Variants in ECM2 observed in about 807,000 individuals in gnomAD.
ECM2 encodes the protein extracellular matrix protein 2.
In ECM2, 57 loss-of-function variants were observed where a neutral mutation model predicts 67.5. The ratio of observed to expected loss-of-function variants is 0.84; its 90% CI spans 0.68 to 1.05. ECM2 has a LOEUF of 1.05. Among genes scored for constraint, ECM2 ranks in the 50% least tolerant of loss-of-function variants. ECM2 has a pLI of 0.00. For synonymous variants in ECM2, 258 were observed against 294.5 expected (o/e 0.88, Z 1.27); for missense variants, 741 against 822.8 (o/e 0.90, Z 1.22).
intron 3 of ECM2, among the ~76,000 whole-genome samples, chr9:92,516,427 T>G (rs1847726370): frequency 6.6e-6 from 1 of 152,130 alleles, no homozygotes; most frequent in Non-Finnish European, 1.5e-5. Flanking sequence ...TACTTTTATT[T>G]AACACTATAT....
At chr9:92,510,295 G>T (rs915398461) in intron 5 of ECM2, among the ~76,000 whole-genome samples, 4 of 152,194 alleles carry the variant, frequency 2.6e-5, no homozygotes, top group Non-Finnish European at 2.9e-5. Context: ...TGCAGCTTTA[G>T]AAAGTGAGAG....
chr9:92,528,672 G>T (rs1462681336), intron 1 of ECM2, among the ~76,000 whole-genome samples: 1 of 152,232 alleles, frequency 6.6e-6, no homozygotes, highest in Non-Finnish European at 1.5e-5. Flanking sequence ...GTACTCAGAA[G>T]AGCATTAGCT....
At position 92,505,549 on chromosome 9, in the gene ECM2, A is replaced by G; in HGVS notation, c.1448T>C (p.Leu483Pro). 6.2e-7 allele frequency: 1 copy of G among 1,600,492 alleles called. No individual in the cohort carries two copies. The highest frequency in any genetic ancestry group is 1.3e-5 in the African/African-American group (1 of 74,124). The change falls in exon 7 of 10, where the codon CTT (leucine) becomes CCT (proline). Residue 483 changes from leucine (L) to proline (P), a missense_variant. Coordinates refer to ENST00000344604, the MANE Select transcript of ECM2 (RefSeq NM_001393.4). ...KNKFRIIPQGLPGSIEELYLE... is the reference protein window; with the variant it reads ...KNKFRIIPQGPPGSIEELYLE... Reference sequence around the variant, plus strand: ...TATTGTTACCTCAATAGAACCAGGAAGACCCTGCGGTATAATTCTAAATTT... The same window carrying G: ...TATTGTTACCTCAATAGAACCAGGAGGACCCTGCGGTATAATTCTAAATTT...
chr9:92,516,835 T>C (rs1352905937), intron 3 of ECM2: 2 of 152,228 alleles, frequency 1.3e-5, no homozygotes, highest in African/African-American at 4.8e-5. Context: ...AATTTCTAAA[T>C]AGTCAAAAGT....
chr9:92,516,480 G>A (rs1044860091), intron 3 of ECM2, among the ~76,000 whole-genome samples: 5 of 152,122 alleles, frequency 3.3e-5, no homozygotes, highest in Non-Finnish European at 5.9e-5. Flanking sequence ...TAATTATTTG[G>A]AGAAATTACT....
upstream of ECM2, among the ~76,000 whole-genome samples, chr9:92,538,839 C>A (rs1849250349): frequency 6.6e-6 from 1 of 152,196 alleles, no homozygotes; most frequent in African/African-American, 2.4e-5. Context: ...ACAGGGCCAT[C>A]TGCCTATGAA....
chr9:92,522,674 C>A lies in ECM2; in HGVS notation c.193G>T (p.Ala65Ser). The stretch of plus-strand genomic sequence containing the variant: ...TCAAAGTTAACAATAGGAAGTCTTG[C>A]TACTGGTGTAAAAACTGTTGTTTGC... ...IQQTTVFTPV[A>S]RLPIVNFDYS... The change falls in exon 2 of 10, where the codon GCA (alanine) becomes TCA (serine). Residue 65 changes from alanine to serine, a missense_variant. By Grantham distance (99) the Ala-to-Ser change is moderately conservative. Transcript: ENST00000344604. 6.2e-7 allele frequency: 1 copy of A among 1,614,112 alleles called. No individual in the cohort carries two copies. The highest frequency in any genetic ancestry group is 8.5e-7 in the Non-Finnish European group (1 of 1,179,998).
chr9:92,515,599 G>A (rs1371887062), intron 3 of ECM2, among the ~76,000 whole-genome samples: 1 of 152,188 alleles, frequency 6.6e-6, no homozygotes, highest in East Asian at 1.9e-4. Context: ...TGTTCACTGG[G>A]GCTATTGCTA....
At chr9:92,535,417 T>C (rs1462333345) in intron 1 of ECM2, among the ~76,000 whole-genome samples, 1 of 152,180 alleles carries the variant, frequency 6.6e-6, no homozygotes, top group Admixed American at 6.5e-5. Flanking sequence ...TCAAGTAATT[T>C]TTTTCCTTCT....
At chr9:92,535,785 C>A (rs1188538966) in intron 1 of ECM2, 148 bp downstream of exon 1, 7 of 254,818 alleles carry the variant, frequency 2.7e-5, no homozygotes, top group East Asian at 1.3e-4. Context: ...GTGAAAAAAA[C>A]AAACAGAATA....
chr9:92,525,984 TTACTA>T (rs946154015), intron 1 of ECM2, among the ~76,000 whole-genome samples: 6 of 152,130 alleles, frequency 3.9e-5, no homozygotes, highest in African/African-American at 1.4e-4. Context: ...GTTTATGTAT[TTACTA>T]TACTATACTT....
At chr9:92,529,389 C>A (rs1439635984) in intron 1 of ECM2, among the ~76,000 whole-genome samples, 6 of 152,208 alleles carry the variant, frequency 3.9e-5, no homozygotes, top group South Asian at 2.1e-4. Flanking sequence ...CTTTGGAAGA[C>A]ACTTTGGCAG....
chr9:92,555,963 A>G, the ECM2 span, among the ~76,000 whole-genome samples: 6,057 of 151,810 alleles, frequency 0.04, 185 homozygotes, highest in South Asian at 0.099. Flanking sequence ...TTGTTTCTCT[A>G]GTTCCTTGAG....
chr9:92,500,340 G>T (rs577473182), intron 9 of ECM2, among the ~76,000 whole-genome samples: 1 of 151,992 alleles, frequency 6.6e-6, no homozygotes, highest in Admixed American at 6.5e-5. Context: ...GCACCACCAC[G>T]CCCTGCTAAG....
the ECM2 span, among the ~76,000 whole-genome samples, chr9:92,556,269 A>T: frequency 4.6e-5 from 7 of 151,998 alleles, no homozygotes; most frequent in East Asian, 1.9e-4. Flanking sequence ...TATAATTTCA[A>T]TTTTTTTAAA....
chr9:92,533,190 C>T (rs964543425), intron 1 of ECM2, among the ~76,000 whole-genome samples: 2 of 148,164 alleles, frequency 1.3e-5, no homozygotes, highest in African/African-American at 2.5e-5. Context: ...GTCCCAGATA[C>T]TCAGGAAGCT....
At chr9:92,513,199 G>C (rs1011411638) in intron 4 of ECM2, among the ~76,000 whole-genome samples, 21 of 152,162 alleles carry the variant, frequency 1.4e-4, no homozygotes, top group African/African-American at 4.8e-4. Flanking sequence ...TCCTGCTGTT[G>C]TTCCACTCAG....
the ECM2 span, among the ~76,000 whole-genome samples, chr9:92,549,793 CA>C: frequency 6.6e-6 from 1 of 152,202 alleles, no homozygotes; most frequent in Non-Finnish European, 1.5e-5. Context: ...TGCTGTTAGG[CA>C]GTGGAGAACA....
In ECM2 at chr9:92,495,876, A is replaced by G. The variant is rs950561602; in HGVS notation, c.*439T>C. 1.0e-6 allele frequency: 1 copy of G among 980,554 alleles called. No homozygotes were observed. The highest frequency in any genetic ancestry group is 1.2e-6 in the Non-Finnish European group (1 of 825,588). The allele number at this position is 980,554 out of a possible 1,614,324, so 60.7% of individuals were successfully genotyped here. ...TAACAAATTATTGTTTTAATAATAA[A>G]CAACACTTATTCATAAATTCTGCCT... On this transcript the variant is annotated 3_prime_UTR_variant, in exon 10 of 10. Coordinates refer to ENST00000344604, the MANE Select transcript of ECM2 (RefSeq NM_001393.4).
Sources: gnomAD v4.1 joint callset for allele counts (sites outside exome capture counted in the v4.1 genomes callset) on GRCh38, gnomAD v4.1.1 for gene constraint, MANE v1.5 for transcripts, NCBI Gene and HGNC (gene_info 2026-07-23, HGNC 2026-07-21) for gene names.